Variants in SRBD1 observed in about 807,000 individuals in gnomAD.
SRBD1 encodes S1 RNA-binding domain-containing protein 1.
In SRBD1, 88 loss-of-function variants were observed where a neutral mutation model predicts 115.3. That is an observed-to-expected ratio of 0.76 (90% CI 0.64 to 0.91). The LOEUF (loss-of-function observed/expected upper bound fraction) is 0.91. Among genes scored for constraint, SRBD1 ranks in the 40% least tolerant of loss-of-function variants. The pLI, the probability that SRBD1 is intolerant of heterozygous loss-of-function variation, is 0.00. For missense variants in SRBD1, 1,385 were observed against 1,177.4 expected (o/e 1.18, Z -2.58); for synonymous variants, 509 against 407.7 (o/e 1.25, Z -2.99).
chr2:45,576,438 G>C (rs933201907), intron 7 of SRBD1, among the ~76,000 whole-genome samples: 4 of 151,948 alleles, frequency 2.6e-5, no homozygotes, highest in African/African-American at 9.7e-5. Flanking sequence ...AGTCGGGGGG[G>C]GTGGGGGTTG....
intron 14 of SRBD1, among the ~76,000 whole-genome samples, chr2:45,543,680 C>T (rs925858319): frequency 1.3e-5 from 2 of 152,282 alleles, no homozygotes; most frequent in Admixed American, 1.3e-4. Context: ...TGAAATTAAA[C>T]AGCTGATTTT....
intron 16 of SRBD1, among the ~76,000 whole-genome samples, chr2:45,422,706 A>G (rs1167903306): frequency 6.6e-6 from 1 of 152,242 alleles, no homozygotes; most frequent in Non-Finnish European, 1.5e-5. Flanking sequence ...GTAACTCTGC[A>G]GAGTTAAAAG....
At chr2:45,518,762 T>C (rs891537064) in intron 14 of SRBD1, among the ~76,000 whole-genome samples, 1 of 152,144 alleles carries the variant, frequency 6.6e-6, no homozygotes, top group Non-Finnish European at 1.5e-5. Context: ...TACAGCTGTA[T>C]TGCAGCAAAT....
chr2:45,433,925 G>C (rs939592003), intron 16 of SRBD1, among the ~76,000 whole-genome samples: 1 of 152,088 alleles, frequency 6.6e-6, no homozygotes, highest in African/African-American at 2.4e-5. Flanking sequence ...TGCCTATAAG[G>C]CTCTGGGATT....
intron 14 of SRBD1, among the ~76,000 whole-genome samples, chr2:45,536,966 T>C (rs538837030): frequency 6.6e-6 from 1 of 152,210 alleles, no homozygotes; most frequent in Non-Finnish European, 1.5e-5. Flanking sequence ...TATATACATG[T>C]AACCAAAACA....
intron 14 of SRBD1, among the ~76,000 whole-genome samples, chr2:45,534,715 A>G (rs1671714677): frequency 6.6e-6 from 1 of 152,030 alleles, no homozygotes; most frequent in Non-Finnish European, 1.5e-5. Flanking sequence ...TGAGAAATTA[A>G]TAACACCAAC....
intron 14 of SRBD1, 67 bp downstream of exon 14, chr2:45,546,665 T>A: frequency 7.0e-7 from 1 of 1,437,636 alleles, no homozygotes; most frequent in South Asian, 1.1e-5. Flanking sequence ...AAGGGAGGAT[T>A]CATCACAAAA....
Position 45,579,964 on chromosome 2 carries a change from C to G in SRBD1, c.983G>C (p.Arg328Thr). The G allele has an allele frequency of 6.2e-7, 1 of 1,606,976 alleles. No homozygotes were observed. The highest frequency in any genetic ancestry group is 8.5e-7 in the Non-Finnish European group (1 of 1,176,776). Residue 328 changes from arginine (R) to threonine (T), a missense_variant, in exon 7 of 21, where the codon AGA (arginine) becomes ACA (threonine). By Grantham distance (71) the Arg-to-Thr change is moderately conservative. Coordinates refer to ENST00000263736, the MANE Select transcript of SRBD1 (RefSeq NM_018079.5). ...GGCTGCTCCTTCTAAGCCCAACTGTCTTGCTCTCTGGGCTTTAGTCCCTTT... is the reference window on the plus strand; with the variant it reads ...GGCTGCTCCTTCTAAGCCCAACTGTGTTGCTCTCTGGGCTTTAGTCCCTTT... ...GSKGTKAQRA[R>T]QLGLEGAARA...
intron 14 of SRBD1, among the ~76,000 whole-genome samples, chr2:45,525,326 T>G (rs1671407819): frequency 6.6e-6 from 1 of 151,948 alleles, no homozygotes; most frequent in African/African-American, 2.4e-5. Flanking sequence ...GTGCTTCAAA[T>G]GTAATCAACA....
At chr2:45,572,123 G>A (rs1243759660) in intron 9 of SRBD1, among the ~76,000 whole-genome samples, 1 of 152,124 alleles carries the variant, frequency 6.6e-6, no homozygotes, top group African/African-American at 2.4e-5. Context: ...AATCCTGAAT[G>A]CAGCAAGAGA....
intron 16 of SRBD1, among the ~76,000 whole-genome samples, chr2:45,429,904 C>T (rs1358994666): frequency 6.6e-6 from 1 of 152,170 alleles, no homozygotes; most frequent in East Asian, 1.9e-4. Flanking sequence ...ATCGTCTCAG[C>T]CCAAAATCTC....
At chr2:45,555,901 T>G (rs1672461145) in intron 10 of SRBD1, among the ~76,000 whole-genome samples, 1 of 152,162 alleles carries the variant, frequency 6.6e-6, no homozygotes, top group African/African-American at 2.4e-5. Context: ...ATTCTGTGTT[T>G]TCATCCATCT....
intron 17 of SRBD1, 99 bp downstream of exon 17, chr2:45,419,689 G>T: frequency 1.0e-6 from 1 of 989,430 alleles, no homozygotes; most frequent in Non-Finnish European, 1.6e-6. Context: ...TTCTCTACTT[G>T]ACAACTTTAT....
chr2:45,532,124 C>G (rs1445324580), intron 14 of SRBD1, among the ~76,000 whole-genome samples: 2 of 151,628 alleles, frequency 1.3e-5, no homozygotes, highest in Non-Finnish European at 2.9e-5. Context: ...CTCATTTACT[C>G]TCTTCTCTGG....
In SRBD1 at chr2:45,461,829, T is replaced by C. The variant is rs370365759; in HGVS notation, c.2049+15164A>G. ...CGTCATTCATTGAGAGCTTAGAATA[T>C]TGACTTATTCTGTGGAGTCCTCTTC... On this transcript the variant is annotated intron_variant, in intron 16 of 20. Coordinates refer to ENST00000263736, the MANE Select transcript of SRBD1 (RefSeq NM_018079.5). 1.1e-4 allele frequency among the ~76,000 whole-genome samples: 16 copies of C among 152,328 alleles called. No homozygotes were observed. The South Asian group carries it at 3.3e-3, about 32-fold the overall frequency.
chr2:45,526,604 T>C (rs933160737), intron 14 of SRBD1, among the ~76,000 whole-genome samples: 4 of 151,938 alleles, frequency 2.6e-5, no homozygotes, highest in Non-Finnish European at 2.9e-5. Context: ...GTAAATTATA[T>C]GGTGTGTGAA....
chr2:45,599,138 G>A (rs557077251), intron 4 of SRBD1, among the ~76,000 whole-genome samples: 1 of 152,228 alleles, frequency 6.6e-6, no homozygotes, highest in Admixed American at 6.5e-5. Flanking sequence ...CAAGTTCAAA[G>A]CAAAAACTTA....
At chr2:45,585,570 C>A in intron 5 of SRBD1, 38 bp downstream of exon 5, 3 of 1,578,766 alleles carry the variant, frequency 1.9e-6, no homozygotes, top group Non-Finnish European at 1.7e-6. Flanking sequence ...TTGGCCTTTT[C>A]CCCTTACACT....
intron 19 of SRBD1, among the ~76,000 whole-genome samples, chr2:45,397,021 C>T (rs1359043589): frequency 1.3e-5 from 2 of 152,118 alleles, no homozygotes; most frequent in African/African-American, 4.8e-5. Flanking sequence ...TTTCAAGAGA[C>T]TTTCCTACTT....
Sources: gnomAD v4.1 joint callset for allele counts (sites outside exome capture counted in the v4.1 genomes callset) on GRCh38, gnomAD v4.1.1 for gene constraint, MANE v1.5 for transcripts, NCBI Gene and HGNC (gene_info 2026-07-23, HGNC 2026-07-21) for gene names.